The following SNX29 variants were observed in gnomAD, a reference collection of about 807,000 sequenced individuals.
SNX29 encodes sorting nexin-29.
A neutral mutation model predicts 102.1 loss-of-function variants in SNX29; 78 were observed. The observed-to-expected ratio is 0.76, with a 90% CI of 0.64 to 0.92. SNX29 has a LOEUF of 0.92. Ranked by LOEUF, SNX29 falls within the 40% of genes least tolerant of loss-of-function variation. The pLI is 0.00. For missense variants in SNX29, 1,280 were observed against 1,061.7 expected, an observed-to-expected ratio of 1.21 and a Z score of -2.86; for synonymous variants, 580 against 414.5, an observed-to-expected ratio of 1.40 and a Z score of -4.85.
At chr16:12,412,825 T>A (rs962589788) in intron 18 of SNX29, among the ~76,000 whole-genome samples, 1 of 152,238 alleles carries the variant, frequency 6.6e-6, no homozygotes, top group African/African-American at 2.4e-5. Flanking sequence ...ACTTTTTATA[T>A]GAGAAAATCA....
intron 19 of SNX29, among the ~76,000 whole-genome samples, chr16:12,479,119 C>T (rs1400624167): frequency 6.6e-6 from 1 of 152,312 alleles, no homozygotes; most frequent in East Asian, 1.9e-4. Context: ...TTCTTGGGCT[C>T]ACCGTAGACA....
In SNX29 at chr16:12,568,582, C is replaced by A. The variant is rs776873272; in HGVS notation, c.2395C>A (p.Gln799Lys). 6.2e-7 allele frequency: 1 copy of A among 1,607,274 alleles called. No homozygotes were observed. Among genetic ancestry groups the A allele is most frequent in the Non-Finnish European group, 8.5e-7 (1 of 1,179,830 alleles). The change falls in exon 21 of 21, where the codon CAG (glutamine) becomes AAG (lysine). Residue 799 changes from glutamine to lysine, a missense_variant. Coordinates refer to ENST00000566228, the MANE Select transcript of SNX29 (RefSeq NM_032167.5). ...ASRFPKLSRGQPRETRNVEPQ... is the reference protein window; with the variant it reads ...ASRFPKLSRGKPRETRNVEPQ... The stretch of plus-strand genomic sequence containing the variant: ...CCGCTTCCCCAAACTGTCCCGGGGT[C>A]AGCCCCGGGAGACCCGCAACGTGGA...
intron 20 of SNX29, among the ~76,000 whole-genome samples, chr16:12,529,835 C>G (rs919463762): frequency 1.3e-5 from 2 of 152,198 alleles, no homozygotes; most frequent in Non-Finnish European, 2.9e-5. Flanking sequence ...TGAACCTAAG[C>G]TGCTTTGCAA....
chr16:12,295,652 C>A (rs2079956578), intron 15 of SNX29, among the ~76,000 whole-genome samples: 1 of 152,232 alleles, frequency 6.6e-6, no homozygotes, highest in Non-Finnish European at 1.5e-5. Context: ...AACTCTTTTA[C>A]AGTGACAAGT....
chr16:12,031,487 A>G (rs1438615570), intron 4 of SNX29, among the ~76,000 whole-genome samples: 2 of 151,324 alleles, frequency 1.3e-5, no homozygotes, highest in Non-Finnish European at 2.9e-5. Flanking sequence ...CCAAGCTCCT[A>G]CTGGCGAAAC....
At chr16:12,053,320 C>A (rs1028282530) in intron 8 of SNX29, 17 of 151,104 alleles carry the variant, frequency 1.1e-4, no homozygotes, top group African/African-American at 4.1e-4. Flanking sequence ...CCCAAATACC[C>A]CAAATAAGCT....
intron 18 of SNX29, among the ~76,000 whole-genome samples, chr16:12,412,516 C>T (rs1022046073): frequency 2.6e-5 from 4 of 152,172 alleles, no homozygotes; most frequent in Admixed American, 6.5e-5. Flanking sequence ...CGGGAGAGAG[C>T]GCTGCAAAGA....
chr16:12,121,909 G>A (rs909349550), intron 11 of SNX29, among the ~76,000 whole-genome samples: 4 of 152,214 alleles, frequency 2.6e-5, no homozygotes, highest in East Asian at 1.9e-4. Context: ...TCTGCCTCCC[G>A]GGTTCAAGTG....
At position 12,343,957 on chromosome 16, in the gene SNX29, T is replaced by A. The variant is rs375898760; in HGVS notation, c.1783-12206T>A. Among the ~76,000 whole-genome samples, 120 of 152,302 alleles carry A rather than the reference T, an allele frequency of 7.9e-4. 3 individuals carry two copies. The South Asian group carries it at 0.025, about 31-fold the overall frequency. On this transcript the variant is annotated intron_variant, in intron 15 of 20. Coordinates refer to ENST00000566228, the MANE Select transcript of SNX29 (RefSeq NM_032167.5). ...AATTGTAGCTCCCATAATTCCCACA[T>A]GTTGTGGGAGGGACCCAGTGTGAGA...
chr16:12,196,732 T>C (rs1197167371), intron 13 of SNX29, among the ~76,000 whole-genome samples: 1 of 151,734 alleles, frequency 6.6e-6, no homozygotes, highest in Non-Finnish European at 1.5e-5. Context: ...GCAATTCTTC[T>C]GCCTCAGCCT....
chr16:12,568,574 C>G lies in SNX29; in HGVS notation c.2387C>G (p.Ser796Cys), dbSNP rs777423455. ...PKAASRFPKL[S>C]RGQPRETRNV... ...GCAGCTTCCCGCTTCCCCAAACTGT[C>G]CCGGGGTCAGCCCCGGGAGACCCGC... is the stretch of plus-strand genomic sequence containing the variant. Residue 796 changes from serine (S) to cysteine (C), a missense_variant, in exon 21 of 21, where the codon TCC becomes TGC. Coordinates refer to ENST00000566228, the MANE Select transcript of SNX29 (RefSeq NM_032167.5). The G allele has an allele frequency of 1.9e-6, 3 of 1,607,822 alleles. No individual in the cohort carries two copies. The highest frequency in any genetic ancestry group is 2.5e-6 in the Non-Finnish European group (3 of 1,179,828).
At chr16:12,556,871 G>C (rs78138503) in intron 20 of SNX29, among the ~76,000 whole-genome samples, 1 of 149,490 alleles carries the variant, frequency 6.7e-6, no homozygotes, top group Non-Finnish European at 1.5e-5. Context: ...TTTTTTTTTT[G>C]AGATAGGGTC....
Position 12,079,112 on chromosome 16 carries a change from G to A in SNX29, c.1402+197G>A, listed in dbSNP as rs1356802945. 3.9e-5 allele frequency among the ~76,000 whole-genome samples: 6 copies of A among 152,356 alleles called. No homozygotes were observed. In the South Asian group the frequency reaches 6.2e-4, roughly 16 times the overall value. On this transcript the variant is annotated intron_variant, in intron 11 of 20. Transcript: ENST00000566228. The stretch of plus-strand genomic sequence containing the variant: ...TAATGCGTGGCGCTTGGGCGTGTGC[G>A]CGCTAAAGGGCGTGCCTCAGGATGG...
intron 15 of SNX29, among the ~76,000 whole-genome samples, chr16:12,289,588 T>C (rs1161011825): frequency 6.6e-6 from 1 of 152,196 alleles, no homozygotes; most frequent in Non-Finnish European, 1.5e-5. Context: ...TGAAGCCTCA[T>C]TTCCAGTTGT....
intron 20 of SNX29, among the ~76,000 whole-genome samples, chr16:12,565,165 C>T (rs968689755): frequency 1.3e-5 from 2 of 152,128 alleles, no homozygotes; most frequent in Non-Finnish European, 2.9e-5. Context: ...TACATACTCC[C>T]AGTCCTACCC....
chr16:12,467,623 A>T (rs62028441), intron 18 of SNX29, among the ~76,000 whole-genome samples: 16,686 of 149,932 alleles, frequency 0.11, 1,287 homozygotes, highest in East Asian at 0.22. Flanking sequence ...TTCGTTCGTT[A>T]GTTCGTTCGT....
At chr16:12,262,355 A>G (rs527405769) in intron 14 of SNX29, among the ~76,000 whole-genome samples, 1 of 152,308 alleles carries the variant, frequency 6.6e-6, no homozygotes, top group East Asian at 1.9e-4. Flanking sequence ...TTTGTCAGCT[A>G]TCAAAATTTA....
intron 11 of SNX29, among the ~76,000 whole-genome samples, chr16:12,092,537 A>C (rs138475099): frequency 2.2e-4 from 33 of 152,210 alleles, no homozygotes; most frequent in Admixed American, 1.7e-3. Context: ...GTTGTAGTGG[A>C]ATGATGCATT....
At chr16:12,204,206 G>A (rs1209990807) in intron 14 of SNX29, among the ~76,000 whole-genome samples, 6 of 152,294 alleles carry the variant, frequency 3.9e-5, no homozygotes, top group African/African-American at 7.2e-5. Context: ...GAATCCAGCT[G>A]TGCCTGGCGT....
Sources: gnomAD v4.1 joint callset for allele counts (sites outside exome capture counted in the v4.1 genomes callset) on GRCh38, gnomAD v4.1.1 for gene constraint, MANE v1.5 for transcripts, NCBI Gene and HGNC (gene_info 2026-07-23, HGNC 2026-07-21) for gene names.